Variants in CYFIP1 observed in about 807,000 individuals in gnomAD.
The protein encoded by CYFIP1 is cytoplasmic FMR1 interacting protein 1.
Under a neutral mutation model 163.5 loss-of-function variants are expected in CYFIP1, and 58 were observed. The ratio of observed to expected loss-of-function variants is 0.35; its 90% confidence interval spans 0.29 to 0.44. CYFIP1 has a LOEUF of 0.44. Ranked by LOEUF, CYFIP1 falls within the 20% of genes least tolerant of loss-of-function variation. The probability of loss-of-function intolerance (pLI) is 1.00; values close to 1 mark genes in which losing one functional copy is unlikely to be tolerated. For missense variants in CYFIP1, 1,338 were observed against 1,653.8 expected, an observed-to-expected ratio of 0.81 and a Z score of 3.31; for synonymous variants, 663 against 660.7, an observed-to-expected ratio of 1.00 and a Z score of -0.05.
chr15:22,880,114 C>T (rs933538934), intron 25 of CYFIP1, 71 bp from the exon 26 acceptor site: 12 of 1,591,296 alleles, frequency 7.5e-6, no homozygotes, highest in Non-Finnish European at 1.0e-5. Context: ...GGGTCCACAG[C>T]CAGGAGCACC....
chr15:22,911,674 G>A (rs2060792736), intron 18 of CYFIP1, among the ~76,000 whole-genome samples: 1 of 152,204 alleles, frequency 6.6e-6, no homozygotes, highest in Admixed American at 6.5e-5. Flanking sequence ...TGCAGGGCCG[G>A]GGACCTGTGA....
rs772908511 is a variant in CYFIP1 at position 22,944,812 on chromosome 15, GGGGCCTGGCA to G, written c.285+40_285+49del. On this transcript the variant is annotated intron_variant, in intron 4 of 30. Coordinates refer to ENST00000617928, the MANE Select transcript of CYFIP1 (RefSeq NM_014608.6). ...GCAGGGGCAGGGGTGTGGTGTGGCAGGGGCCTGGCAGGGTGTGGCTGGAGGGGAAGAGCCA... is the reference window on the plus strand; with the variant it reads ...GCAGGGGCAGGGGTGTGGTGTGGCAGGGGTGTGGCTGGAGGGGAAGAGCCA... 2.7e-5 allele frequency: 43 copies of G among 1,586,748 alleles called. No individual in the cohort carries two copies. In the Admixed American group the frequency reaches 6.8e-4, roughly 25 times the overall value.
chr15:22,938,811 G>A (rs1228227635), intron 8 of CYFIP1, among the ~76,000 whole-genome samples: 2 of 151,724 alleles, frequency 1.3e-5, no homozygotes, highest in Non-Finnish European at 2.9e-5. Context: ...GCTGAGGTGG[G>A]AGGATCACTT....
intron 23 of CYFIP1, among the ~76,000 whole-genome samples, chr15:22,889,797 A>G (rs2060023595): frequency 6.6e-6 from 1 of 152,216 alleles, no homozygotes; most frequent in African/African-American, 2.4e-5. Context: ...TTCAAAGTCA[A>G]GAGAAGCCCA....
In CYFIP1 at chr15:22,931,686, G is replaced by GAAAAAAAAAAAAAAA. The variant is rs766177290; in HGVS notation, c.1110+522_1110+536dup. Among the ~76,000 whole-genome samples, 56 of 39,708 alleles carry GAAAAAAAAAAAAAAA rather than the reference G, an allele frequency of 1.4e-3. 2 individuals carry two copies. Among genetic ancestry groups the GAAAAAAAAAAAAAAA allele is most frequent in the East Asian group, 3.7e-3 (3 of 802 alleles). 26.0% of individuals were successfully genotyped at this position (39,708 alleles called of 152,430 possible). A position where few individuals can be genotyped will look rare whatever the true frequency, so the allele number is the denominator to read the frequency against. On this transcript the variant is annotated intron_variant, in intron 11 of 30. Transcript: ENST00000617928. ...CTTGGGATCCCTATAATGTTTTTCT[G>GAAAAAAAAAAAAAAA]AAAAAAAAAAAAAAAAAAAAAAAAG...
chr15:22,975,560 A>C (rs996481299), intron 1 of CYFIP1, among the ~76,000 whole-genome samples: 1 of 151,944 alleles, frequency 6.6e-6, no homozygotes, highest in Non-Finnish European at 1.5e-5. Flanking sequence ...CAGGAGGTCG[A>C]GATCAGCCTG....
In CYFIP1 at chr15:22,881,820, TG is replaced by T. The variant is rs778746241; in HGVS notation, c.2911+25del. 16 of 1,603,086 alleles carry T rather than the reference TG, an allele frequency of 1.0e-5. No homozygotes were observed. The South Asian group carries it at 1.8e-4, about 18-fold the overall frequency. ...TTTCTGACCTCTCCACAGACAGCACTGTGAGCTCCACACGCCCGCACTCACC... is the reference window on the plus strand; with the variant it reads ...TTTCTGACCTCTCCACAGACAGCACTTGAGCTCCACACGCCCGCACTCACC... On this transcript the variant is annotated intron_variant, in intron 25 of 30. Transcript: ENST00000617928.
rs773323480 is a variant in CYFIP1 at position 22,870,094 on chromosome 15, C to T, written c.3696G>A (p.Glu1232=). Reference sequence around the variant, plus strand: ...AGCGCACATGCTCCACTGGCGTGCCCTCCCCGTCGCCTGACTTCAGGTACT... The same window carrying T: ...AGCGCACATGCTCCACTGGCGTGCCTTCCCCGTCGCCTGACTTCAGGTACT... ...LDKYLKSGDG[E]GTPVEHVRCF... is the part of the protein sequence containing the mutation. The change falls in exon 31 of 31, where the codon GAG becomes GAA. Residue 1232 remains glutamate (E), a synonymous_variant. Coordinates refer to ENST00000617928, the MANE Select transcript of CYFIP1 (RefSeq NM_014608.6). 15 of 1,612,906 alleles carry T rather than the reference C, an allele frequency of 9.3e-6. No individual in the cohort carries two copies. Among genetic ancestry groups the T allele is most frequent in the South Asian group, 5.5e-5 (5 of 90,782 alleles).
Position 22,917,960 on chromosome 15 carries a change from C to T in CYFIP1, c.1527-25G>A. The T allele has an allele frequency of 6.2e-7, 1 of 1,607,290 alleles. No homozygotes were observed. Among genetic ancestry groups the T allele is most frequent in the Non-Finnish European group, 8.5e-7 (1 of 1,176,950 alleles). On this transcript the variant is annotated intron_variant, in intron 14 of 30. Transcript: ENST00000617928. The surrounding 1 kb of genome is among the most constrained non-coding windows in gnomAD (Gnocchi z 4.2). ...ACTGAACACCCCACCAAGTGATCAG[C>T]AAGGCCCAGAGGCCGAGACCTCCAG...
intron 26 of CYFIP1, among the ~76,000 whole-genome samples, chr15:22,877,395 C>T (rs1002768186): frequency 2.6e-5 from 4 of 152,158 alleles, no homozygotes; most frequent in Admixed American, 6.5e-5. Context: ...ATAAATTACT[C>T]AGTCTCAGGC....
At chr15:22,897,712 G>A (rs2060280406) in intron 22 of CYFIP1, among the ~76,000 whole-genome samples, 1 of 152,116 alleles carries the variant, frequency 6.6e-6, no homozygotes, top group African/African-American at 2.4e-5. Context: ...TCGAACTCCT[G>A]ACCTCAAGTG....
At chr15:22,904,945 C>T (rs1235701856) in intron 21 of CYFIP1, 1 of 152,178 alleles carries the variant, frequency 6.6e-6, no homozygotes, top group Non-Finnish European at 1.5e-5. Context: ...GAACAATCCT[C>T]TGGAGCCCTG....
At chr15:22,897,608 T>G (rs747823235) in intron 22 of CYFIP1, among the ~76,000 whole-genome samples, 1 of 151,948 alleles carries the variant, frequency 6.6e-6, no homozygotes, top group African/African-American at 2.4e-5. Context: ...CTCAGCCTCC[T>G]GAGTAGCTGG....
At chr15:22,947,445 G>C (rs772928496) in intron 1 of CYFIP1, 154 bp from the exon 2 acceptor site, 3 of 1,044,322 alleles carry the variant, frequency 2.9e-6, no homozygotes, top group Non-Finnish European at 4.1e-6. Flanking sequence ...TGGGAGTTGC[G>C]TGTCTCTCTC....
chr15:22,959,852 G>T (rs908409000), intron 1 of CYFIP1, among the ~76,000 whole-genome samples: 1 of 152,146 alleles, frequency 6.6e-6, no homozygotes, highest in Non-Finnish European at 1.5e-5. Context: ...GATGACCAAA[G>T]GCTACACGGC....
chr15:22,931,743 G>C (rs1447051217), intron 11 of CYFIP1, among the ~76,000 whole-genome samples: 1 of 119,550 alleles, frequency 8.4e-6, no homozygotes, highest in East Asian at 3.2e-4. Context: ...GAGAACACTA[G>C]TTTCACTGCC....
At chr15:22,911,870 T>C (rs1350560778) in intron 18 of CYFIP1, among the ~76,000 whole-genome samples, 3 of 152,214 alleles carry the variant, frequency 2.0e-5, no homozygotes, top group Non-Finnish European at 4.4e-5. Context: ...GAGTGCTATT[T>C]ATAAAATCCA....
At chr15:22,897,711 T>C (rs959470299) in intron 22 of CYFIP1, among the ~76,000 whole-genome samples, 1 of 152,154 alleles carries the variant, frequency 6.6e-6, no homozygotes, top group East Asian at 1.9e-4. Flanking sequence ...CTCGAACTCC[T>C]GACCTCAAGT....
intron 3 of CYFIP1, 81 bp downstream of exon 3, chr15:22,946,922 G>T: frequency 8.3e-7 from 1 of 1,199,290 alleles, no homozygotes; most frequent in Non-Finnish European, 1.2e-6. Flanking sequence ...TAGTCTATTG[G>T]GATAATACCA....
Sources: gnomAD v4.1 joint callset for allele counts (sites outside exome capture counted in the v4.1 genomes callset) on GRCh38, gnomAD v4.1.1 for gene constraint, Gnocchi (gnomAD v3.1) non-coding constraint, MANE v1.5 for transcripts, NCBI Gene and HGNC (gene_info 2026-07-23, HGNC 2026-07-21) for gene names.